The following TAS1R1 variants were observed in gnomAD, a reference collection of about 807,000 sequenced individuals.
TAS1R1 encodes the protein taste receptor type 1 member 1.
In TAS1R1, 31 loss-of-function variants were observed where a neutral mutation model predicts 45.8. The ratio of observed to expected loss-of-function variants is 0.68; its 90% CI spans 0.51 to 0.91. The LOEUF is 0.91. Ranked by LOEUF, TAS1R1 falls within the 40% of genes least tolerant of loss-of-function variation. The probability of loss-of-function intolerance (pLI) is 0.00; values close to 1 mark genes in which losing one functional copy is unlikely to be tolerated. For missense variants in TAS1R1, 1,051 were observed against 1,063.9 expected (o/e 0.99, Z 0.17); for synonymous variants, 437 against 448.4 (o/e 0.97, Z 0.32).
chr1:6,571,042 T>C lies in TAS1R1; in HGVS notation c.325T>C (p.Ser109Pro). 6.2e-7 allele frequency: 1 copy of C among 1,614,172 alleles called. No individual in the cohort carries two copies. The highest frequency in any genetic ancestry group is 8.5e-7 in the Non-Finnish European group (1 of 1,180,024). The change falls in exon 2 of 6, where the codon TCT (serine) becomes CCT (proline). Residue 109 changes from serine to proline, a missense_variant. By Grantham distance (74) the Ser-to-Pro change is moderately conservative (BLOSUM62 -1). Coordinates refer to ENST00000333172, the MANE Select transcript of TAS1R1 (RefSeq NM_138697.4). ...CCAGCTGTATGATGTGTGTTCTGAC[T>C]CTGCCAATGTGTATGCCACGCTGAG... is the stretch of plus-strand genomic sequence containing the variant. ...GYQLYDVCSD[S>P]ANVYATLRVL...
At chr1:6,576,779 A>G (rs760713804) in intron 4 of TAS1R1, 152 bp downstream of exon 4, 2 of 1,406,384 alleles carry the variant, frequency 1.4e-6, no homozygotes, top group East Asian at 2.3e-5. Flanking sequence ...AGCAGGGAAG[A>G]CACTCCGTAG....
rs774308541 is a variant in TAS1R1, at chr1:6,578,942, G to T, written c.1884G>T (p.Arg628Ser). Residue 628 changes from arginine to serine, a missense_variant, in exon 6 of 6, where the codon AGG becomes AGT. By Grantham distance (110) the Arg-to-Ser change is moderately radical (BLOSUM62 -1). Coordinates refer to ENST00000333172, the MANE Select transcript of TAS1R1 (RefSeq NM_138697.4). ...ATGGCTTCTTTGGGGAACCCACAAG[G>T]CCTGCGTGCTTGCTACGCCAGGCCC... ...SLYGFFGEPT[R>S]PACLLRQALF... 1.2e-6 allele frequency: 2 copies of T among 1,614,066 alleles called. No homozygotes were observed. The highest frequency in any genetic ancestry group is 1.1e-5 in the South Asian group (1 of 91,054).
intron 2 of TAS1R1, among the ~76,000 whole-genome samples, chr1:6,573,857 G>A (rs1383378748): frequency 6.6e-6 from 1 of 151,916 alleles, no homozygotes; most frequent in African/African-American, 2.4e-5. Context: ...TAGAGACGGG[G>A]TTTCACCGTG....
intron 1 of TAS1R1, 87 bp downstream of exon 1, chr1:6,555,651 C>T: frequency 7.6e-7 from 1 of 1,309,492 alleles, no homozygotes; most frequent in East Asian, 2.5e-5. Flanking sequence ...AGGACCTTGC[C>T]TCTGCCTTTG....
intron 1 of TAS1R1, among the ~76,000 whole-genome samples, chr1:6,555,776 G>A (rs927357808): frequency 6.6e-6 from 1 of 150,836 alleles, no homozygotes; most frequent in African/African-American, 2.4e-5. Context: ...CTGTTAGAAT[G>A]TGTTGTATTG....
In TAS1R1 at chr1:6,575,369, AG is replaced by A. The variant is rs1440071483; in HGVS notation, c.1241del (p.Gly414AlafsTer38). 1 of 1,582,624 alleles carries A rather than the reference AG, an allele frequency of 6.3e-7. No individual in the cohort carries two copies. Among genetic ancestry groups the A allele is most frequent in the Non-Finnish European group, 8.6e-7 (1 of 1,165,994 alleles). On this transcript the variant is annotated frameshift_variant, in exon 3 of 6. Transcript: ENST00000333172. LOFTEE classifies it high-confidence loss of function. The part of the protein sequence containing the change: ...LLGCASGACS[R>X]GRVYPWQLLE... ...GGGCTGTGCCTCTGGAGCTTGTTCC[AG>A]GGGCCGAGTCTACCCCTGGCAGGTA...
In TAS1R1 at chr1:6,578,787, C is replaced by T. The variant is rs370987419; in HGVS notation, c.1729C>T (p.Leu577=). The T allele has an allele frequency of 6.2e-6, 10 of 1,613,640 alleles. No homozygotes were observed. The African/African-American group carries it at 1.3e-4, about 22-fold the overall frequency. ...GGTGCTGCTGGCAGCTAACACGCTGCTGCTGCTGCTGCTGCTTGGGACTGC... is the reference window on the plus strand; with the variant it reads ...GGTGCTGCTGGCAGCTAACACGCTGTTGCTGCTGCTGCTGCTTGGGACTGC... ...SWVLLAANTL[L]LLLLLGTAGL... is the part of the protein sequence containing the mutation. Residue 577 remains leucine (L), a synonymous_variant, in exon 6 of 6, where the codon CTG becomes TTG. Coordinates refer to ENST00000333172, the MANE Select transcript of TAS1R1 (RefSeq NM_138697.4).
intron 3 of TAS1R1, among the ~76,000 whole-genome samples, chr1:6,576,027 A>G (rs893719210): frequency 1.3e-5 from 2 of 151,550 alleles, no homozygotes; most frequent in Admixed American, 1.3e-4. Flanking sequence ...ATGGGGTTTC[A>G]CCATGTTGGC....
chr1:6,559,965 G>A (rs1207207376), intron 1 of TAS1R1, among the ~76,000 whole-genome samples: 3 of 145,050 alleles, frequency 2.1e-5, no homozygotes, highest in African/African-American at 7.8e-5. Flanking sequence ...ACTCCAGCCT[G>A]GACAACAAGG....
In TAS1R1 at chr1:6,558,365, A is replaced by G. The variant is rs139515183; in HGVS notation, c.191+2801A>G. ...TTTTGCGTGTCAGATTGTCTAGGCT[A>G]TAGTGCCTAGAGTTGTGTAGTCAAA... On this transcript the variant is annotated intron_variant, in intron 1 of 5. Transcript: ENST00000333172. 9.0e-3 allele frequency among the ~76,000 whole-genome samples: 1,372 copies of G among 152,240 alleles called. 16 individuals carry two copies. The highest frequency in any genetic ancestry group is 0.03 in the African/African-American group (1,255 of 41,528).
rs1347838625 is a variant in TAS1R1 at position 6,579,597 on chromosome 1, C to A, written c.*13C>A. On this transcript the variant is annotated 3_prime_UTR_variant, in exon 6 of 6. Coordinates refer to ENST00000333172, the MANE Select transcript of TAS1R1 (RefSeq NM_138697.4). ...CGGCTCCACCTGACCAGTGGGTCAG[C>A]AGGCACGGCTGGCAGCCTTCTCTGC... 1 of 1,589,960 alleles carries A rather than the reference C, an allele frequency of 6.3e-7. No individual in the cohort carries two copies. Among genetic ancestry groups the A allele is most frequent in the Non-Finnish European group, 8.5e-7 (1 of 1,170,804 alleles).
rs376094151 is a variant in TAS1R1 at position 6,578,948 on chromosome 1, G to A, written c.1890G>A (p.Ala630=). ...TCTTTGGGGAACCCACAAGGCCTGC[G>A]TGCTTGCTACGCCAGGCCCTCTTTG... is the stretch of plus-strand genomic sequence containing the variant. ...YGFFGEPTRP[A]CLLRQALFAL... The change falls in exon 6 of 6, where the codon GCG becomes GCA. Residue 630 remains alanine, a synonymous_variant. Coordinates refer to ENST00000333172, the MANE Select transcript of TAS1R1 (RefSeq NM_138697.4). 2.2e-5 allele frequency: 35 copies of A among 1,613,952 alleles called. No homozygotes were observed. Among genetic ancestry groups the A allele is most frequent in the Non-Finnish European group, 2.7e-5 (32 of 1,179,968 alleles).
Position 6,576,405 on chromosome 1 carries a change from T to A in TAS1R1, c.1261-10T>A. 1 of 1,614,146 alleles carries A rather than the reference T, an allele frequency of 6.2e-7. No individual in the cohort carries two copies. The highest frequency in any genetic ancestry group is 8.5e-7 in the Non-Finnish European group (1 of 1,179,988). On this transcript the variant is annotated splice_polypyrimidine_tract_variant and intron_variant, in intron 3 of 5. Transcript: ENST00000333172. ...GTCTGTGGTGGCTTCATGATACGCGTTTCTTTCAGCTTTTGGAGCAGATCC... is the reference window on the plus strand; with the variant it reads ...GTCTGTGGTGGCTTCATGATACGCGATTCTTTCAGCTTTTGGAGCAGATCC...
At position 6,577,092 on chromosome 1, in the gene TAS1R1, C is replaced by T. The variant is rs376718284; in HGVS notation, c.1594+22C>T. 3.1e-5 allele frequency: 50 copies of T among 1,613,960 alleles called. No homozygotes were observed. In the African/African-American group the frequency reaches 3.2e-4, roughly 10 times the overall value. ...AGTGGTGAGTGGGCAATGGAGCAGG[C>T]GAGCTACCCAGCACTCCCGGGGGCT... On this transcript the variant is annotated intron_variant, in intron 5 of 5. Coordinates refer to ENST00000333172, the MANE Select transcript of TAS1R1 (RefSeq NM_138697.4).
rs757637760 is a variant in TAS1R1, at chr1:6,579,010, T to G, written c.1952T>G (p.Val651Gly). 28 of 1,613,882 alleles carry G rather than the reference T, an allele frequency of 1.7e-5. No homozygotes were observed. The highest frequency in any genetic ancestry group is 2.2e-5 in the Non-Finnish European group (26 of 1,179,790). ...GFTIFLSCLT[V>G]RSFQLIIIFK... Reference sequence around the variant, plus strand: ...ACCATCTTCCTGTCCTGCCTGACAGTTCGCTCATTCCAACTAATCATCATC... The same window carrying G: ...ACCATCTTCCTGTCCTGCCTGACAGGTCGCTCATTCCAACTAATCATCATC... The change falls in exon 6 of 6, where the codon GTT becomes GGT. Residue 651 changes from valine (V) to glycine (G), a missense_variant. Physicochemically the swap from Val to Gly is moderately radical, Grantham distance 109 (BLOSUM62 -3). Transcript: ENST00000333172.
intron 2 of TAS1R1, among the ~76,000 whole-genome samples, chr1:6,571,665 CAA>C (rs1205821950): frequency 1.3e-5 from 2 of 152,156 alleles, no homozygotes; most frequent in Admixed American, 6.5e-5. Flanking sequence ...ACTAAAAATA[CAA>C]AAGTTAGCTG....
At chr1:6,569,536 C>T (rs996037678) in intron 1 of TAS1R1, among the ~76,000 whole-genome samples, 3 of 152,052 alleles carry the variant, frequency 2.0e-5, no homozygotes, top group African/African-American at 4.8e-5. Flanking sequence ...GAATGGAGGC[C>T]GAGGGCATTG....
At chr1:6,558,868 G>T (rs1290766591) in intron 1 of TAS1R1, among the ~76,000 whole-genome samples, 3 of 138,128 alleles carry the variant, frequency 2.2e-5, no homozygotes, top group Non-Finnish European at 4.8e-5. Flanking sequence ...ACAGACATGT[G>T]CCAGCATGCC....
chr1:6,577,849 A>G (rs138271845), intron 5 of TAS1R1, among the ~76,000 whole-genome samples: 1 of 152,130 alleles, frequency 6.6e-6, no homozygotes, highest in Non-Finnish European at 1.5e-5. Flanking sequence ...AAAGAAAGAA[A>G]GAATTAGCCA....
Sources: allele counts gnomAD v4.1 joint callset (sites outside exome capture counted in the v4.1 genomes callset), GRCh38; gene constraint gnomAD v4.1.1; transcripts MANE v1.5; gene names NCBI Gene and HGNC (gene_info 2026-07-23, HGNC 2026-07-21).